Variants in FAM177A1 observed in about 807,000 individuals in gnomAD.
The protein encoded by FAM177A1 is family with sequence similarity 177 member A1.
A neutral mutation model predicts 26.1 loss-of-function variants in FAM177A1; 22 were observed. The ratio of observed to expected loss-of-function variants is 0.84; its 90% CI spans 0.60 to 1.20. The LOEUF is 1.20. FAM177A1 is among the 50% of genes most tolerant of loss of function. FAM177A1 has a pLI of 0.00. For missense variants in FAM177A1, 296 were observed against 291.1 expected, an observed-to-expected ratio of 1.02 and a Z score of -0.12; for synonymous variants, 95 against 99.3, an observed-to-expected ratio of 0.96 and a Z score of 0.26.
intron 2 of FAM177A1, among the ~76,000 whole-genome samples, chr14:35,060,348 T>C (rs1595044428): frequency 6.6e-6 from 1 of 152,180 alleles, no homozygotes; most frequent in African/African-American, 2.4e-5. Context: ...GATACTGTTA[T>C]ACCTTCCTTT....
At chr14:35,067,790 A>T (rs1009550686) in intron 2 of FAM177A1, among the ~76,000 whole-genome samples, 1 of 152,040 alleles carries the variant, frequency 6.6e-6, no homozygotes, top group Non-Finnish European at 1.5e-5. Flanking sequence ...GATGTTGAAC[A>T]TTTTTTCATA....
chr14:35,066,554 G>A (rs766672350), intron 2 of FAM177A1, among the ~76,000 whole-genome samples: 5 of 151,494 alleles, frequency 3.3e-5, no homozygotes, highest in African/African-American at 9.7e-5. Flanking sequence ...ACAGGTGTGC[G>A]CTACCACTCC....
rs762116272 is a variant in FAM177A1, at chr14:35,079,030, C to T, written c.504+6C>T. 3 of 1,550,628 alleles carry T rather than the reference C, an allele frequency of 1.9e-6. No individual in the cohort carries two copies. Among genetic ancestry groups the T allele is most frequent in the Non-Finnish European group, 2.6e-6 (3 of 1,158,450 alleles). On this transcript the variant is annotated splice_donor_region_variant and intron_variant, in intron 4 of 4. Transcript: ENST00000280987. ...ATTATCGGATGAAGAAGGAGGTATG[C>T]CTCCTTTTTACATTTTCTTGATTCA... is the stretch of plus-strand genomic sequence containing the variant.
At chr14:35,071,840 A>C (rs917354245) in intron 2 of FAM177A1, among the ~76,000 whole-genome samples, 5 of 152,200 alleles carry the variant, frequency 3.3e-5, no homozygotes, top group Admixed American at 2.6e-4. Flanking sequence ...AAATCTGCCT[A>C]TAACTTTTTA....
chr14:35,046,483 C>T lies in FAM177A1; in HGVS notation c.20C>T (p.Ala7Val). 2 of 1,597,668 alleles carry T rather than the reference C, an allele frequency of 1.3e-6. No individual in the cohort carries two copies. The highest frequency in any genetic ancestry group is 1.1e-5 in the South Asian group (1 of 88,590). Reference protein sequence around the residue: MEVGLPAITLFLTSASS... With the variant: MEVGLPVITLFLTSASS... Reference sequence around the variant, plus strand: ...CCAAGGATGGAAGTGGGCTTACCGGCCATTACCCTCTTTCTCACCAGCGCC... The same window carrying T: ...CCAAGGATGGAAGTGGGCTTACCGGTCATTACCCTCTTTCTCACCAGCGCC... Residue 7 changes from alanine (A) to valine (V), a missense_variant, in exon 1 of 5, where the codon GCC becomes GTC. Physicochemically the swap from Ala to Val is moderately conservative, Grantham distance 64. Coordinates refer to ENST00000280987, the MANE Select transcript of FAM177A1 (RefSeq NM_173607.5).
chr14:35,064,423 A>G (rs780277328), intron 2 of FAM177A1, among the ~76,000 whole-genome samples: 7 of 152,080 alleles, frequency 4.6e-5, no homozygotes, highest in Non-Finnish European at 8.8e-5. Flanking sequence ...TGATTTTTTT[A>G]GGCAATATGA....
chr14:35,077,121 A>G lies in FAM177A1; in HGVS notation c.340-29A>G, dbSNP rs377332877. The stretch of plus-strand genomic sequence containing the variant: ...AATATATGGAATGAATTTAGGTATG[A>G]ATGTTGCTAACATGATTTCTTGTTG... On this transcript the variant is annotated intron_variant, in intron 2 of 4. Transcript: ENST00000280987. 38 of 1,571,558 alleles carry G rather than the reference A, an allele frequency of 2.4e-5. No homozygotes were observed. The African/African-American group carries it at 4.2e-4, about 17-fold the overall frequency.
At chr14:35,071,627 A>G (rs993363376) in intron 2 of FAM177A1, among the ~76,000 whole-genome samples, 1 of 152,304 alleles carries the variant, frequency 6.6e-6, no homozygotes, top group East Asian at 1.9e-4. Context: ...TGGGATGATG[A>G]TAAATGTTAT....
chr14:35,073,700 A>T (rs536877481), intron 2 of FAM177A1, among the ~76,000 whole-genome samples: 2 of 152,318 alleles, frequency 1.3e-5, no homozygotes, highest in Non-Finnish European at 2.9e-5. Flanking sequence ...GCTGGTGTTT[A>T]TCTTTTTCCT....
intron 1 of FAM177A1, among the ~76,000 whole-genome samples, chr14:35,049,581 C>T (rs1340848590): frequency 6.6e-6 from 1 of 152,044 alleles, no homozygotes; most frequent in Non-Finnish European, 1.5e-5. Flanking sequence ...GTCAGGAGTT[C>T]GAGACCAGCC....
At chr14:35,068,778 C>T (rs55890055) in intron 2 of FAM177A1, among the ~76,000 whole-genome samples, 12,968 of 152,244 alleles carry the variant, frequency 0.085, 870 homozygotes, top group African/African-American at 0.19. Flanking sequence ...CATTGGCTTA[C>T]AGTTGTGGAG....
At chr14:35,047,422 G>C (rs899528872) in intron 1 of FAM177A1, among the ~76,000 whole-genome samples, 1 of 152,148 alleles carries the variant, frequency 6.6e-6, no homozygotes, top group African/African-American at 2.4e-5. Flanking sequence ...AGCCACATGT[G>C]GCTAGTGGTT....
At chr14:35,070,934 C>T (rs1379340267) in intron 2 of FAM177A1, among the ~76,000 whole-genome samples, 1 of 151,702 alleles carries the variant, frequency 6.6e-6, no homozygotes, top group Admixed American at 6.6e-5. Flanking sequence ...ATAATTATTT[C>T]TAGGTGGTGG....
intron 2 of FAM177A1, among the ~76,000 whole-genome samples, chr14:35,057,698 T>A (rs1259805396): frequency 2.0e-5 from 3 of 152,138 alleles, no homozygotes; most frequent in Admixed American, 1.3e-4. Flanking sequence ...CATTTTTATT[T>A]AAAGTATTTT....
chr14:35,059,928 G>A (rs2045124355), intron 2 of FAM177A1, among the ~76,000 whole-genome samples: 1 of 152,108 alleles, frequency 6.6e-6, no homozygotes, highest in Admixed American at 6.6e-5. Context: ...GCTTCCCAAA[G>A]TGCTGGGATT....
chr14:35,080,982 T>G, intron 4 of FAM177A1, 40 bp from the exon 5 acceptor site: 1 of 1,547,944 alleles, frequency 6.5e-7, no homozygotes, highest in Non-Finnish European at 8.7e-7. Flanking sequence ...TTTTGGACTT[T>G]CGTATTTCAA....
At chr14:35,070,216 C>T (rs1440342772) in intron 2 of FAM177A1, among the ~76,000 whole-genome samples, 1 of 148,370 alleles carries the variant, frequency 6.7e-6, no homozygotes, top group East Asian at 2.0e-4. Context: ...TTAGATGTAC[C>T]TTAAGGTACA....
Position 35,081,392 on chromosome 14 carries a change from A to C in FAM177A1, c.*164A>C, listed in dbSNP as rs1024712714. 2 of 669,480 alleles carry C rather than the reference A, an allele frequency of 3.0e-6. No individual in the cohort carries two copies. Among genetic ancestry groups the C allele is most frequent in the Admixed American group, 3.7e-5 (1 of 26,902 alleles). 41.5% of individuals were successfully genotyped at this position (669,480 alleles called of 1,614,324 possible). A position where few individuals can be genotyped will look rare whatever the true frequency, so the allele number is the denominator to read the frequency against. Reference sequence around the variant, plus strand: ...CTTCATTTTTAGGATCTATCTAGCAAAAGCCAGATCTGAAATTCAGATATT... The same window carrying C: ...CTTCATTTTTAGGATCTATCTAGCACAAGCCAGATCTGAAATTCAGATATT... On this transcript the variant is annotated 3_prime_UTR_variant, in exon 5 of 5. Coordinates refer to ENST00000280987, the MANE Select transcript of FAM177A1 (RefSeq NM_173607.5).
chr14:35,051,015 C>T (rs1053719689), intron 1 of FAM177A1: 3 of 152,086 alleles, frequency 2.0e-5, no homozygotes, highest in Non-Finnish European at 2.9e-5. Flanking sequence ...TTGTTAAGGG[C>T]TGGGATTTAT....
Sources: gnomAD v4.1 joint callset for allele counts (sites outside exome capture counted in the v4.1 genomes callset) on GRCh38, gnomAD v4.1.1 for gene constraint, MANE v1.5 for transcripts, NCBI Gene and HGNC (gene_info 2026-07-23, HGNC 2026-07-21) for gene names.